The following IGSF21 variants were observed in gnomAD, a reference collection of about 807,000 sequenced individuals.
The protein encoded by IGSF21 is immunoglobin superfamily member 21.
In IGSF21, 28 loss-of-function variants were observed where a neutral mutation model predicts 46.8. The ratio of observed to expected loss-of-function variants is 0.60; its 90% confidence interval spans 0.44 to 0.82. The LOEUF is 0.82. IGSF21 is among the 40% of genes least tolerant of loss of function. The pLI is 0.00. For synonymous variants in IGSF21, 284 were observed against 273.6 expected, an observed-to-expected ratio of 1.04 and a Z score of -0.38; for missense variants, 624 against 665.5, an observed-to-expected ratio of 0.94 and a Z score of 0.69.
rs930726122 is a variant in IGSF21 at position 18,337,373 on chromosome 1, A to G, written c.424+2363A>G. ...ATAAAGTTTGCAGAACGCCTACCTC[A>G]TCAAGAATATCATTGAAGAGCTCAG... On this transcript the variant is annotated intron_variant, in intron 4 of 9. Coordinates refer to ENST00000251296, the MANE Select transcript of IGSF21 (RefSeq NM_032880.5). The surrounding 1 kb of genome is among the most constrained non-coding windows in gnomAD (Gnocchi z 5.7). Among the ~76,000 whole-genome samples, 1 of 152,214 alleles carries G rather than the reference A, an allele frequency of 6.6e-6. No homozygotes were observed. The highest frequency in any genetic ancestry group is 1.5e-5 in the Non-Finnish European group (1 of 68,040).
chr1:18,315,764 C>T (rs1048378435), intron 3 of IGSF21, among the ~76,000 whole-genome samples: 17 of 149,802 alleles, frequency 1.1e-4, no homozygotes, highest in South Asian at 2.1e-4. Context: ...AGTGGGTGAA[C>T]GGATAGCTGG....
At chr1:18,235,141 G>A (rs1316845075) in intron 2 of IGSF21, among the ~76,000 whole-genome samples, 1 of 152,204 alleles carries the variant, frequency 6.6e-6, no homozygotes, top group African/African-American at 2.4e-5. Flanking sequence ...TCCAGGACTG[G>A]AGCCTCAGGG....
At position 18,365,664 on chromosome 1, in the gene IGSF21, C is replaced by A; in HGVS notation, c.982C>A (p.Leu328Met). 1.2e-6 allele frequency: 2 copies of A among 1,613,872 alleles called. No homozygotes were observed. The highest frequency in any genetic ancestry group is 1.7e-6 in the Non-Finnish European group (2 of 1,179,806). ...CAGCTGCGAGGTCAAGCACCCAGCT[C>A]TGTCGATGCCCATGCAGGCAGAGGT... ...LFSCEVKHPA[L>M]SMPMQAEVTL... Residue 328 changes from leucine to methionine, a missense_variant, in exon 6 of 10, where the codon CTG becomes ATG. By Grantham distance (15) the Leu-to-Met change is conservative (BLOSUM62 2). Coordinates refer to ENST00000251296, the MANE Select transcript of IGSF21 (RefSeq NM_032880.5). The surrounding 1 kb of genome is among the most constrained non-coding windows in gnomAD (Gnocchi z 4.8).
rs1359832517 is a variant in IGSF21 at position 18,322,489 on chromosome 1, T to C, written c.306-12403T>C. ...TGTTAAATAAAGCAATCACGAACGA[T>C]AGGAAGGAGGCGGCGAGCTCAGCCA... On this transcript the variant is annotated intron_variant, in intron 3 of 9. Transcript: ENST00000251296. The surrounding 1 kb of genome is among the most constrained non-coding windows in gnomAD (Gnocchi z 4.3). Among the ~76,000 whole-genome samples the C allele has an allele frequency of 1.3e-5, 2 of 152,066 alleles. No homozygotes were observed. The highest frequency in any genetic ancestry group is 4.8e-5 in the African/African-American group (2 of 41,406).
intron 2 of IGSF21, among the ~76,000 whole-genome samples, chr1:18,280,943 G>A (rs1389617377): frequency 3.3e-5 from 5 of 152,144 alleles, no homozygotes; most frequent in African/African-American, 4.8e-5. Context: ...AGAGCTCCCC[G>A]GCCTGCACGC....
intron 1 of IGSF21, among the ~76,000 whole-genome samples, chr1:18,190,092 G>T (rs1405353958): frequency 6.6e-6 from 1 of 152,202 alleles, no homozygotes; most frequent in Non-Finnish European, 1.5e-5. Context: ...TCTGGGAATT[G>T]CCCTTGAAGG....
At chr1:18,350,339 A>G (rs1330741819) in intron 4 of IGSF21, among the ~76,000 whole-genome samples, 2 of 152,166 alleles carry the variant, frequency 1.3e-5, no homozygotes, top group Admixed American at 6.5e-5. Flanking sequence ...CGAGGTCCCA[A>G]TACCTGGGTC....
intron 3 of IGSF21, among the ~76,000 whole-genome samples, chr1:18,293,094 T>C (rs1055839780): frequency 6.6e-6 from 1 of 152,188 alleles, no homozygotes; most frequent in Non-Finnish European, 1.5e-5. Flanking sequence ...GTCTTTAGAC[T>C]GAGCCTGGAG....
intron 4 of IGSF21, among the ~76,000 whole-genome samples, chr1:18,360,859 G>A (rs2086092663): frequency 6.6e-6 from 1 of 152,204 alleles, no homozygotes; most frequent in South Asian, 2.1e-4. Context: ...CAAATTGGGG[G>A]ACTGAGGCTC....
At chr1:18,246,150 G>C (rs958029463) in intron 2 of IGSF21, among the ~76,000 whole-genome samples, 2 of 152,124 alleles carry the variant, frequency 1.3e-5, no homozygotes, top group African/African-American at 2.4e-5. Context: ...CCCAGCTCTG[G>C]GGGGTGTGAG....
intron 2 of IGSF21, among the ~76,000 whole-genome samples, chr1:18,277,386 C>T (rs981834240): frequency 6.6e-6 from 1 of 152,172 alleles, no homozygotes; most frequent in African/African-American, 2.4e-5. Context: ...TCTGTGCCTG[C>T]GTGGGGCCTT....
intron 2 of IGSF21, among the ~76,000 whole-genome samples, chr1:18,273,039 CTTTTTTTTTTTT>C (rs760448516): frequency 1.2e-5 from 1 of 80,722 alleles, no homozygotes; most frequent in Non-Finnish European, 2.4e-5. Context: ...CCAGACGGAT[CTTTTTTTTTTTT>C]TTTTTTTTTT....
At chr1:18,368,939 A>G (rs1177778173) in intron 6 of IGSF21, among the ~76,000 whole-genome samples, 2 of 152,206 alleles carry the variant, frequency 1.3e-5, no homozygotes, top group Non-Finnish European at 2.9e-5. Flanking sequence ...ACCCCTATCA[A>G]CAGCACCCCA....
At chr1:18,293,193 T>G (rs1441413366) in intron 3 of IGSF21, among the ~76,000 whole-genome samples, 1 of 152,210 alleles carries the variant, frequency 6.6e-6, no homozygotes, top group East Asian at 1.9e-4. Flanking sequence ...TCCTTCACCT[T>G]GCATCCCCAG....
At chr1:18,221,226 G>A (rs1307144451) in intron 1 of IGSF21, among the ~76,000 whole-genome samples, 1 of 152,128 alleles carries the variant, frequency 6.6e-6, no homozygotes, top group Non-Finnish European at 1.5e-5. Context: ...GGCCATCCAT[G>A]GACCACGGTG....
intron 6 of IGSF21, among the ~76,000 whole-genome samples, chr1:18,368,536 GA>G (rs1295200903): frequency 8.2e-5 from 9 of 109,744 alleles, no homozygotes; most frequent in Non-Finnish European, 1.4e-4. Context: ...AAGTTGGGGG[GA>G]AAAAAGATAT....
At chr1:18,113,468 G>A (rs2086160790) in intron 1 of IGSF21, 1 of 152,188 alleles carries the variant, frequency 6.6e-6, no homozygotes, top group Non-Finnish European at 1.5e-5. Flanking sequence ...GTGGCTTGGG[G>A]GTGGGGTTTT....
Position 18,250,651 on chromosome 1 carries a change from A to G in IGSF21, c.183+22641A>G, listed in dbSNP as rs564521680. On this transcript the variant is annotated intron_variant, in intron 2 of 9. Transcript: ENST00000251296. Reference sequence around the variant, plus strand: ...GCCAGGTTGAAATCTCGGCTCTGCCATTTACTGGTTTTAACCTCTCTGGAC... The same window carrying G: ...GCCAGGTTGAAATCTCGGCTCTGCCGTTTACTGGTTTTAACCTCTCTGGAC... Among the ~76,000 whole-genome samples, 7 of 152,302 alleles carry G rather than the reference A, an allele frequency of 4.6e-5. No homozygotes were observed. In the East Asian group the frequency reaches 7.7e-4, roughly 17 times the overall value.
intron 1 of IGSF21, among the ~76,000 whole-genome samples, chr1:18,175,296 A>T (rs982182539): frequency 6.6e-6 from 1 of 152,154 alleles, no homozygotes; most frequent in Admixed American, 6.5e-5. Context: ...TGTGATGTAA[A>T]CAGGCCCCTC....
Sources: allele counts gnomAD v4.1 joint callset (sites outside exome capture counted in the v4.1 genomes callset), GRCh38; gene constraint gnomAD v4.1.1; non-coding constraint Gnocchi (gnomAD v3.1); transcripts MANE v1.5; gene names NCBI Gene and HGNC (gene_info 2026-07-23, HGNC 2026-07-21).